The following WDR27 variants were observed in gnomAD, a reference collection of about 807,000 sequenced individuals.
WDR27 encodes WD repeat domain 27.
In WDR27, 100 loss-of-function variants were observed where a neutral mutation model predicts 114.4. The observed-to-expected ratio is 0.87, with a 90% CI of 0.74 to 1.03. The LOEUF (loss-of-function observed/expected upper bound fraction) is 1.03, where lower values mean the gene tolerates loss of function less well. WDR27 is among the 50% of genes least tolerant of loss of function. The probability of loss-of-function intolerance (pLI) is 0.00; values close to 1 mark genes in which losing one functional copy is unlikely to be tolerated. For synonymous variants in WDR27, 449 were observed against 423.1 expected (o/e 1.06, Z -0.75); for missense variants, 1,129 against 1,092.9 (o/e 1.03, Z -0.47).
At chr6:169,552,516 GAATT>G (rs1562570601) in intron 25 of WDR27, among the ~76,000 whole-genome samples, 1 of 152,074 alleles carries the variant, frequency 6.6e-6, no homozygotes, top group Non-Finnish European at 1.5e-5. Flanking sequence ...AAACTTTCTT[GAATT>G]AATTTAATAA....
chr6:169,459,272 G>A (rs976140082), intron 25 of WDR27, among the ~76,000 whole-genome samples: 19 of 151,394 alleles, frequency 1.3e-4, no homozygotes, highest in African/African-American at 3.9e-4. Context: ...AACCTAAAAC[G>A]AAACAAAAAA....
intron 25 of WDR27, among the ~76,000 whole-genome samples, chr6:169,555,618 T>C (rs1473274915): frequency 1.3e-5 from 2 of 152,164 alleles, no homozygotes; most frequent in East Asian, 3.8e-4. Flanking sequence ...TTAACCAATC[T>C]TAAGTGAGTA....
chr6:169,549,196 C>T (rs1241000033), intron 25 of WDR27, among the ~76,000 whole-genome samples: 3 of 152,052 alleles, frequency 2.0e-5, no homozygotes, highest in Non-Finnish European at 4.4e-5. Flanking sequence ...GAAAATAACC[C>T]GATAAAAAAT....
chr6:169,578,628 T>G (rs1802856610), intron 24 of WDR27, among the ~76,000 whole-genome samples: 1 of 152,172 alleles, frequency 6.6e-6, no homozygotes, highest in Admixed American at 6.5e-5. Context: ...GCATATAAAT[T>G]GATCTGTCTG....
intron 13 of WDR27, 28 bp downstream of exon 13, chr6:169,658,248 C>A: frequency 6.4e-7 from 1 of 1,568,316 alleles, no homozygotes; most frequent in Non-Finnish European, 8.7e-7. Context: ...GCCTTGTATT[C>A]TTAGATCTCA....
chr6:169,611,601 T>C (rs548374983), intron 22 of WDR27, among the ~76,000 whole-genome samples: 1 of 152,288 alleles, frequency 6.6e-6, no homozygotes, highest in African/African-American at 2.4e-5. Flanking sequence ...CACAAATGCA[T>C]AGTGCAGCTG....
chr6:169,700,712 T>C (rs1029207422), intron 1 of WDR27, among the ~76,000 whole-genome samples: 5 of 152,208 alleles, frequency 3.3e-5, no homozygotes, highest in East Asian at 1.9e-4. Context: ...TTGGGGTGAA[T>C]TGCTACAGCA....
chr6:169,673,304 G>T (rs1417089939), intron 2 of WDR27, among the ~76,000 whole-genome samples: 3 of 152,066 alleles, frequency 2.0e-5, no homozygotes, highest in South Asian at 4.1e-4. Flanking sequence ...TAATATGAGA[G>T]ATATCACTGG....
At chr6:169,553,317 C>T (rs1055007351) in intron 25 of WDR27, among the ~76,000 whole-genome samples, 20 of 152,094 alleles carry the variant, frequency 1.3e-4, no homozygotes, top group African/African-American at 4.8e-4. Context: ...CCATTCTTTC[C>T]GGTTTAGTAC....
intron 25 of WDR27, among the ~76,000 whole-genome samples, chr6:169,522,463 A>C (rs1445897600): frequency 6.6e-6 from 1 of 152,104 alleles, no homozygotes; most frequent in Non-Finnish European, 1.5e-5. Flanking sequence ...CCCTTGACCA[A>C]ATAGGCCTAA....
intron 25 of WDR27, among the ~76,000 whole-genome samples, chr6:169,539,829 G>C (rs960851885): frequency 6.6e-6 from 1 of 152,138 alleles, no homozygotes; most frequent in African/African-American, 2.4e-5. Context: ...AACCCCTGTG[G>C]ACTTCACATT....
At chr6:169,428,246 G>A in the WDR27 span, among the ~76,000 whole-genome samples, 1 of 152,150 alleles carries the variant, frequency 6.6e-6, no homozygotes, top group Non-Finnish European at 1.5e-5. Flanking sequence ...CTCTTGCCCT[G>A]CTTTTTGTCT....
At chr6:169,481,547 A>G (rs543444839) in intron 25 of WDR27, among the ~76,000 whole-genome samples, 1 of 152,328 alleles carries the variant, frequency 6.6e-6, no homozygotes, top group East Asian at 1.9e-4. Flanking sequence ...TATGAGCTGT[A>G]GCACTCACCG....
chr6:169,667,996 C>T lies in WDR27; in HGVS notation c.646G>A (p.Asp216Asn), dbSNP rs371485092. The T allele has an allele frequency of 4.3e-6, 7 of 1,613,338 alleles. No individual in the cohort carries two copies. The highest frequency in any genetic ancestry group is 1.1e-5 in the South Asian group (1 of 90,972). ...CCATCCCTCACCTTAAAGCCTCTGT[C>T]CTCAGACGCCGAGATGAGGGTGCCT... ...RAGTLISASEDRGFKVWDHCT... is the reference protein window; with the variant it reads ...RAGTLISASENRGFKVWDHCT... The change falls in exon 5 of 26, where the codon GAC becomes AAC. Residue 216 changes from aspartate to asparagine, a missense_variant. Physicochemically the swap from Asp to Asn is conservative, Grantham distance 23. Coordinates refer to ENST00000448612, the MANE Select transcript of WDR27 (RefSeq NM_182552.5).
In WDR27 at chr6:169,659,304, C is replaced by T; in HGVS notation, c.1198-97G>A. ...CGTATCCTAACAGCTGCTTCATTCT[C>T]ATAGCAGCGACATCGCCCTGTCACT... is the stretch of plus-strand genomic sequence containing the variant. On this transcript the variant is annotated intron_variant, in intron 11 of 25. Coordinates refer to ENST00000448612, the MANE Select transcript of WDR27 (RefSeq NM_182552.5). The surrounding 1 kb of genome is among the most constrained non-coding windows in gnomAD (Gnocchi z 4.3). The T allele has an allele frequency of 6.4e-7, 1 of 1,554,196 alleles. No homozygotes were observed. The highest frequency in any genetic ancestry group is 1.8e-5 in the Admixed American group (1 of 55,316).
At chr6:169,535,476 T>C (rs1442660664) in intron 25 of WDR27, among the ~76,000 whole-genome samples, 3 of 152,048 alleles carry the variant, frequency 2.0e-5, no homozygotes, top group Non-Finnish European at 2.9e-5. Flanking sequence ...GAGGAAAAAA[T>C]AGGTTAACCT....
At chr6:169,624,554 G>T (rs1814311614) in intron 21 of WDR27, among the ~76,000 whole-genome samples, 1 of 152,196 alleles carries the variant, frequency 6.6e-6, no homozygotes, top group African/African-American at 2.4e-5. Context: ...CCAGGGACAT[G>T]CAGGACCTAA....
intron 21 of WDR27, among the ~76,000 whole-genome samples, chr6:169,621,564 A>C (rs948229684): frequency 1.3e-5 from 2 of 151,972 alleles, no homozygotes; most frequent in Non-Finnish European, 2.9e-5. Context: ...ACACGCATTC[A>C]TGCATATACA....
intron 1 of WDR27, among the ~76,000 whole-genome samples, chr6:169,691,856 G>A (rs1048794947): frequency 7.2e-5 from 11 of 152,164 alleles, no homozygotes; most frequent in Non-Finnish European, 1.5e-4. Flanking sequence ...ACGGCAGCTA[G>A]GAGACAGGAC....
Sources: gnomAD v4.1 joint callset for allele counts (sites outside exome capture counted in the v4.1 genomes callset) on GRCh38, gnomAD v4.1.1 for gene constraint, Gnocchi (gnomAD v3.1) non-coding constraint, MANE v1.5 for transcripts, NCBI Gene and HGNC (gene_info 2026-07-23, HGNC 2026-07-21) for gene names.